CRHR1: variants seen among roughly 807,000 people sequenced by gnomAD.
CRHR1 encodes corticotropin releasing hormone receptor 1, also known as corticotropin-releasing hormone receptor 1.
Under a neutral mutation model 56.0 loss-of-function variants are expected in CRHR1, and 28 were observed. That is an observed-to-expected ratio of 0.50 (90% CI 0.37 to 0.69). CRHR1 has a LOEUF of 0.69. Among genes scored for constraint, CRHR1 ranks in the 30% least tolerant of loss-of-function variants. The probability of loss-of-function intolerance (pLI) is 0.00; values close to 1 mark genes in which losing one functional copy is unlikely to be tolerated. For synonymous variants in CRHR1, 195 were observed against 216.5 expected, an observed-to-expected ratio of 0.90 and a Z score of 0.87; for missense variants, 376 against 548.0, an observed-to-expected ratio of 0.69 and a Z score of 3.13.
At chr17:45,813,798 A>C (rs2061872312) in intron 2 of CRHR1, among the ~76,000 whole-genome samples, 1 of 152,234 alleles carries the variant, frequency 6.6e-6, no homozygotes, top group Non-Finnish European at 1.5e-5. Flanking sequence ...GAGAATTAGC[A>C]CCCATGGTGG....
chr17:45,796,515 G>A (rs1383425503), intron 1 of CRHR1, among the ~76,000 whole-genome samples: 1 of 152,182 alleles, frequency 6.6e-6, no homozygotes, highest in East Asian at 1.9e-4. Context: ...GGAGGGAAGG[G>A]AAGGCAGGCA....
At chr17:45,801,742 G>A (rs2061626601) in intron 1 of CRHR1, among the ~76,000 whole-genome samples, 1 of 152,222 alleles carries the variant, frequency 6.6e-6, no homozygotes, top group African/African-American at 2.4e-5. Flanking sequence ...CCAGTGGCTG[G>A]GACTGGTGAT....
At chr17:45,815,939 G>C (rs2061918363) in intron 2 of CRHR1, among the ~76,000 whole-genome samples, 1 of 152,198 alleles carries the variant, frequency 6.6e-6, no homozygotes, top group Non-Finnish European at 1.5e-5. Context: ...CCGGAAGAAG[G>C]AACAGGCCAG....
At chr17:45,796,177 C>T (rs1465283632) in intron 1 of CRHR1, among the ~76,000 whole-genome samples, 1 of 152,206 alleles carries the variant, frequency 6.6e-6, no homozygotes, top group African/African-American at 2.4e-5. Flanking sequence ...ACCTGCGTAG[C>T]TGGTGTCTCT....
At chr17:45,794,631 T>C (rs1401637425) in intron 1 of CRHR1, among the ~76,000 whole-genome samples, 1 of 152,252 alleles carries the variant, frequency 6.6e-6, no homozygotes, top group Non-Finnish European at 1.5e-5. Flanking sequence ...TGGCGGGTTC[T>C]GAGCAGGCCC....
chr17:45,813,603 GCT>G (rs2061868401), intron 2 of CRHR1, among the ~76,000 whole-genome samples: 1 of 152,208 alleles, frequency 6.6e-6, no homozygotes, highest in African/African-American at 2.4e-5. Flanking sequence ...TGGAGTCGCA[GCT>G]CTGCGATCGA....
At chr17:45,805,351 T>C (rs2061700468) in intron 1 of CRHR1, among the ~76,000 whole-genome samples, 1 of 152,114 alleles carries the variant, frequency 6.6e-6, no homozygotes, top group Non-Finnish European at 1.5e-5. Context: ...CCCGGCCCCT[T>C]GTGAGAAGGC....
At chr17:45,795,424 G>A (rs780540789) in intron 1 of CRHR1, among the ~76,000 whole-genome samples, 2 of 152,138 alleles carry the variant, frequency 1.3e-5, no homozygotes, top group African/African-American at 2.4e-5. Flanking sequence ...TGACATTTGG[G>A]GCCAGATAAT....
intron 1 of CRHR1, chr17:45,800,904 C>T (rs1366195750): frequency 6.6e-6 from 1 of 152,220 alleles, no homozygotes; most frequent in African/African-American, 2.4e-5. Context: ...CCTCCAGTGG[C>T]CTTCAGGACC....
intron 6 of CRHR1, 97 bp from the exon 7 acceptor site, chr17:45,830,320 C>G (rs1203613692): frequency 6.3e-7 from 1 of 1,588,848 alleles, no homozygotes; most frequent in African/African-American, 1.3e-5. Context: ...AGTGGGATCC[C>G]AGGGTATGCC....
rs142853351 is a variant in CRHR1 at position 45,805,281 on chromosome 17, C to T, written c.34-1729C>T. 3.1e-3 allele frequency among the ~76,000 whole-genome samples: 474 copies of T among 152,078 alleles called. 5 individuals carry two copies. The highest frequency in any genetic ancestry group is 0.028 in the East Asian group (145 of 5,180). On this transcript the variant is annotated intron_variant, in intron 1 of 12. Coordinates refer to ENST00000314537, the MANE Select transcript of CRHR1 (RefSeq NM_004382.5). The stretch of plus-strand genomic sequence containing the variant: ...AAAAAATAATTATGTTAAAATATTC[C>T]GTATCTTGACGACTAAGATTTTCGA...
intron 1 of CRHR1, among the ~76,000 whole-genome samples, chr17:45,803,772 G>GTGTGTGTGTGTGTGTT (rs1482420428): frequency 7.2e-6 from 1 of 139,070 alleles, no homozygotes; most frequent in Non-Finnish European, 1.6e-5. Context: ...GTGTGTGTGT[G>GTGTGTGTGTGTGTGTT]TGTGCGTGCG....
In CRHR1 at chr17:45,816,514, G is replaced by C. The variant is rs747554865; in HGVS notation, c.173G>C (p.Ser58Thr). The C allele has an allele frequency of 1.2e-5, 20 of 1,614,018 alleles. No individual in the cohort carries two copies. The highest frequency in any genetic ancestry group is 1.6e-5 in the Non-Finnish European group (19 of 1,180,034). The change falls in exon 3 of 13, where the codon AGC becomes ACC. Residue 58 changes from serine (S) to threonine (T), a missense_variant. Ser to Thr is a moderately conservative substitution (Grantham distance 58). Around this residue, in one of 2 missense-constraint regions of CRHR1, gnomAD observed 369 missense variants for 519.5 expected, o/e 0.71. Transcript: ENST00000314537. Reference protein sequence around the residue: ...VDLIGTCWPRSPAGQLVVRPC... With the variant: ...VDLIGTCWPRTPAGQLVVRPC... ...CTCATTGGCACCTGCTGGCCCCGCA[G>C]CCCTGCGGGGCAGCTAGTGGTTCGG...
intron 2 of CRHR1, among the ~76,000 whole-genome samples, chr17:45,810,142 G>A (rs1171649205): frequency 2.6e-5 from 4 of 152,036 alleles, no homozygotes; most frequent in Non-Finnish European, 4.4e-5. Flanking sequence ...AAAATTAGCC[G>A]GGCTTGGTGG....
At chr17:45,804,155 G>C (rs2061678026) in intron 1 of CRHR1, among the ~76,000 whole-genome samples, 1 of 152,204 alleles carries the variant, frequency 6.6e-6, no homozygotes, top group South Asian at 2.1e-4. Flanking sequence ...AGGCCAGAGA[G>C]ATGAATGGGT....
chr17:45,830,755 GTGTGAGTT>G, intron 7 of CRHR1, 117 bp from the exon 8 acceptor site: 2 of 1,197,332 alleles, frequency 1.7e-6, no homozygotes, highest in Non-Finnish European at 2.3e-6. Flanking sequence ...TGAAGGAGGT[GTGTGAGTT>G]TGAGATCCAC....
At chr17:45,788,010 T>A (rs186916609) in intron 1 of CRHR1, among the ~76,000 whole-genome samples, 1 of 151,256 alleles carries the variant, frequency 6.6e-6, no homozygotes. Context: ...AGTTGAACAC[T>A]CACCCAGAGC....
chr17:45,823,369 A>T (rs1178351978), intron 4 of CRHR1, among the ~76,000 whole-genome samples: 1 of 143,392 alleles, frequency 7.0e-6, no homozygotes, highest in Non-Finnish European at 1.5e-5. Context: ...AAGGGGAATG[A>T]TTCACACAAG....
chr17:45,816,326 T>G, intron 2 of CRHR1, 137 bp from the exon 3 acceptor site: 2 of 1,166,642 alleles, frequency 1.7e-6, no homozygotes, highest in Non-Finnish European at 2.4e-6. Flanking sequence ...TCTGCACTGG[T>G]CATTGTTGTC....
Sources: allele counts gnomAD v4.1 joint callset (sites outside exome capture counted in the v4.1 genomes callset), GRCh38; gene constraint gnomAD v4.1.1; regional missense constraint gnomAD v4.1.1; transcripts MANE v1.5; gene names NCBI Gene and HGNC (gene_info 2026-07-23, HGNC 2026-07-21).